SLC44A5: variants seen among roughly 807,000 people sequenced by gnomAD.
SLC44A5 encodes the protein solute carrier family 44 member 5, also known as choline transporter-like protein 5.
In SLC44A5, 57 loss-of-function variants were observed where a neutral mutation model predicts 101.8. The ratio of observed to expected loss-of-function variants is 0.56; its 90% CI spans 0.45 to 0.70. The LOEUF is 0.70. Ranked by LOEUF, SLC44A5 falls within the 30% of genes least tolerant of loss-of-function variation. The pLI is 0.00. For synonymous variants in SLC44A5, 281 were observed against 290.9 expected (o/e 0.97, Z 0.35); for missense variants, 737 against 853.1 (o/e 0.86, Z 1.70).
chr1:75,688,941 A>G, the SLC44A5 span, among the ~76,000 whole-genome samples: 4 of 152,310 alleles, frequency 2.6e-5, no homozygotes, highest in East Asian at 5.8e-4. Context: ...CTCACATCCT[A>G]TGGTGCTAAC....
At chr1:75,511,399 C>T (rs566093846) in intron 2 of SLC44A5, among the ~76,000 whole-genome samples, 1 of 152,096 alleles carries the variant, frequency 6.6e-6, no homozygotes, top group South Asian at 2.1e-4. Context: ...TACATAAAGG[C>T]TATGGATGGG....
chr1:75,304,022 A>C (rs1654717648), intron 4 of SLC44A5, among the ~76,000 whole-genome samples: 2 of 152,336 alleles, frequency 1.3e-5, no homozygotes, highest in South Asian at 4.1e-4. Flanking sequence ...TAAACAAAAC[A>C]AATTTGTATG....
chr1:75,626,837 T>G, the SLC44A5 span, among the ~76,000 whole-genome samples: 1 of 152,188 alleles, frequency 6.6e-6, no homozygotes, highest in Admixed American at 6.5e-5. Context: ...AAGCATATTA[T>G]GCTTCTGTTC....
the SLC44A5 span, among the ~76,000 whole-genome samples, chr1:75,619,527 ATTC>A: frequency 2.0e-3 from 309 of 152,234 alleles, 3 homozygotes; most frequent in African/African-American, 7.1e-3. Flanking sequence ...CTGGTGAAAT[ATTC>A]TTTTTGATGT....
At chr1:75,647,044 G>A in the SLC44A5 span, among the ~76,000 whole-genome samples, 1 of 152,360 alleles carries the variant, frequency 6.6e-6, no homozygotes, top group African/African-American at 2.4e-5. Flanking sequence ...TATAGGGCAT[G>A]TCAGAGGTCT....
intron 1 of SLC44A5, among the ~76,000 whole-genome samples, chr1:75,564,083 T>G (rs1230099583): frequency 6.6e-6 from 1 of 152,144 alleles, no homozygotes; most frequent in African/African-American, 2.4e-5. Flanking sequence ...CAAAACACAT[T>G]TTCACCAAAT....
At chr1:75,688,612 C>T in the SLC44A5 span, among the ~76,000 whole-genome samples, 1 of 152,174 alleles carries the variant, frequency 6.6e-6, no homozygotes, top group African/African-American at 2.4e-5. Context: ...ACCTCAAAAG[C>T]CCTCCCATTT....
chr1:75,289,282 G>C (rs1653335664), intron 5 of SLC44A5, among the ~76,000 whole-genome samples: 1 of 152,186 alleles, frequency 6.6e-6, no homozygotes, highest in African/African-American at 2.4e-5. Context: ...GAACAAGATA[G>C]TTTATGGGGC....
chr1:75,650,352 G>A, the SLC44A5 span, among the ~76,000 whole-genome samples: 1 of 152,092 alleles, frequency 6.6e-6, no homozygotes, highest in Non-Finnish European at 1.5e-5. Flanking sequence ...TTGTGCAAAA[G>A]TAAATAACAT....
At chr1:75,362,040 G>A (rs1252085383) in intron 3 of SLC44A5, among the ~76,000 whole-genome samples, 1 of 151,950 alleles carries the variant, frequency 6.6e-6, no homozygotes, top group East Asian at 1.9e-4. Flanking sequence ...AGTCTTGGTA[G>A]ATTGTATGTG....
chr1:75,640,206 C>G, the SLC44A5 span, among the ~76,000 whole-genome samples: 1 of 152,010 alleles, frequency 6.6e-6, no homozygotes, highest in Non-Finnish European at 1.5e-5. Context: ...CTGTATTCAG[C>G]TGGGGCTGGA....
intron 2 of SLC44A5, among the ~76,000 whole-genome samples, chr1:75,412,226 T>C (rs1237358756): frequency 6.6e-6 from 1 of 152,176 alleles, no homozygotes; most frequent in African/African-American, 2.4e-5. Context: ...CTCCAGCGTA[T>C]AACACAGTGC....
At chr1:75,678,450 G>C in the SLC44A5 span, among the ~76,000 whole-genome samples, 1 of 152,044 alleles carries the variant, frequency 6.6e-6, no homozygotes, top group African/African-American at 2.4e-5. Flanking sequence ...GTGGGTCCCT[G>C]ACCCCTGACA....
intron 5 of SLC44A5, among the ~76,000 whole-genome samples, chr1:75,287,124 C>T (rs1324715136): frequency 1.3e-5 from 2 of 151,790 alleles, no homozygotes; most frequent in East Asian, 3.9e-4. Context: ...TTTTTGGAGG[C>T]TTTGTTTTTT....
chr1:75,321,133 A>AT (rs1406415774), intron 4 of SLC44A5, among the ~76,000 whole-genome samples: 1 of 152,210 alleles, frequency 6.6e-6, no homozygotes. Flanking sequence ...TTGTCTATAT[A>AT]TAACTACAGG....
the SLC44A5 span, among the ~76,000 whole-genome samples, chr1:75,639,902 ATT>A: frequency 6.6e-6 from 1 of 151,964 alleles, no homozygotes; most frequent in Admixed American, 6.6e-5. Flanking sequence ...GGGTTGAGGA[ATT>A]GCCCTTGTCA....
At chr1:75,385,505 C>T (rs1257490608) in intron 3 of SLC44A5, among the ~76,000 whole-genome samples, 1 of 151,946 alleles carries the variant, frequency 6.6e-6, no homozygotes. Context: ...AAGACTAAAC[C>T]AGGAAGAAGT....
At chr1:75,391,630 C>T (rs1280733511) in intron 3 of SLC44A5, among the ~76,000 whole-genome samples, 1 of 152,080 alleles carries the variant, frequency 6.6e-6, no homozygotes, top group Non-Finnish European at 1.5e-5. Context: ...GAAAGGACTC[C>T]CTGTTTAATA....
At chr1:75,519,311 A>T (rs1035894428) in intron 2 of SLC44A5, among the ~76,000 whole-genome samples, 1 of 152,116 alleles carries the variant, frequency 6.6e-6, no homozygotes, top group African/African-American at 2.4e-5. Flanking sequence ...TAATCCCAAC[A>T]CTTTGAGAGG....
Sources: gnomAD v4.1 joint callset for allele counts (sites outside exome capture counted in the v4.1 genomes callset) on GRCh38, gnomAD v4.1.1 for gene constraint, MANE v1.5 for transcripts, NCBI Gene and HGNC (gene_info 2026-07-23, HGNC 2026-07-21) for gene names.